The following FAM210A variants were observed in gnomAD, a reference collection of about 807,000 sequenced individuals.
FAM210A encodes mitochondrial inner membrane scaffold 1, also known as family with sequence similarity 210 member A.
A neutral mutation model predicts 25.3 loss-of-function variants in FAM210A; 13 were observed. The ratio of observed to expected loss-of-function variants is 0.51; its 90% CI spans 0.33 to 0.82. The LOEUF (loss-of-function observed/expected upper bound fraction) is 0.82, where lower values mean the gene tolerates loss of function less well. FAM210A is among the 40% of genes least tolerant of loss of function. The pLI, the probability that FAM210A is intolerant of heterozygous loss-of-function variation, is 0.02. For missense variants in FAM210A, 319 were observed against 323.2 expected (o/e 0.99, Z 0.10); for synonymous variants, 125 against 118.7 (o/e 1.05, Z -0.35).
At chr18:13,710,041 C>T (rs529377171) in intron 1 of FAM210A, among the ~76,000 whole-genome samples, 2 of 152,312 alleles carry the variant, frequency 1.3e-5, no homozygotes, top group Admixed American at 6.5e-5. Context: ...GACAGTTTAA[C>T]TTTGAAGCCA....
intron 1 of FAM210A, among the ~76,000 whole-genome samples, chr18:13,712,872 A>T (rs2043832533): frequency 6.6e-6 from 1 of 152,246 alleles, no homozygotes; most frequent in African/African-American, 2.4e-5. Context: ...AAAACATGAA[A>T]GCTGCAGTAT....
At chr18:13,688,854 G>A (rs185315068) in intron 1 of FAM210A, among the ~76,000 whole-genome samples, 33 of 152,380 alleles carry the variant, frequency 2.2e-4, no homozygotes, top group African/African-American at 7.2e-4. Context: ...TAAAGCAGCC[G>A]GTTCCTGCAC....
chr18:13,713,948 C>A (rs937136686), intron 1 of FAM210A, among the ~76,000 whole-genome samples: 2 of 152,188 alleles, frequency 1.3e-5, no homozygotes, highest in South Asian at 4.1e-4. Context: ...AAATTTAACT[C>A]TTAGTTTTCT....
intron 3 of FAM210A, among the ~76,000 whole-genome samples, chr18:13,668,780 G>A (rs899867659): frequency 6.6e-6 from 1 of 152,178 alleles, no homozygotes; most frequent in Non-Finnish European, 1.5e-5. Flanking sequence ...TAAGACCACA[G>A]TAAGTATTTG....
intron 2 of FAM210A, among the ~76,000 whole-genome samples, chr18:13,679,159 G>A (rs1471912302): frequency 6.6e-6 from 1 of 152,224 alleles, no homozygotes; most frequent in Non-Finnish European, 1.5e-5. Flanking sequence ...TGCCTAGAAA[G>A]GCAGTAATGC....
chr18:13,705,050 G>A lies in FAM210A; in HGVS notation c.-29+21279C>T, dbSNP rs1050642377. ...CTTAGAATCATATCATTTAATCTGG[G>A]TAAGAATTCCTGGAACTTTAATAAA... is the stretch of plus-strand genomic sequence containing the variant. On this transcript the variant is annotated intron_variant, in intron 1 of 3. Coordinates refer to ENST00000651643, the MANE Select transcript of FAM210A (RefSeq NM_152352.4). 3.0e-4 allele frequency among the ~76,000 whole-genome samples: 45 copies of A among 152,110 alleles called. 1 individual carries two copies. The highest frequency in any genetic ancestry group is 2.9e-5 in the Non-Finnish European group (2 of 68,010).
intron 1 of FAM210A, among the ~76,000 whole-genome samples, chr18:13,718,212 A>G (rs1253967307): frequency 1.3e-5 from 2 of 152,228 alleles, no homozygotes; most frequent in African/African-American, 4.8e-5. Flanking sequence ...GTAATTTGTT[A>G]CACAGCAACA....
In FAM210A at chr18:13,705,250, T is replaced by C. The variant is rs185427828; in HGVS notation, c.-29+21079A>G. 2.0e-5 allele frequency among the ~76,000 whole-genome samples: 3 copies of C among 152,302 alleles called. No individual in the cohort carries two copies. The East Asian group carries it at 5.8e-4, about 29-fold the overall frequency. The stretch of plus-strand genomic sequence containing the variant: ...ATTGCCTATGATAACCCATCAGTTA[T>C]CAGTGCTATGTACCTAATTTGGAAA... On this transcript the variant is annotated intron_variant, in intron 1 of 3. Transcript: ENST00000651643.
At position 13,664,722 on chromosome 18, in the gene FAM210A, A is replaced by T. The variant is rs190562609; in HGVS notation, c.*1758T>A. 1 of 152,342 alleles carries T rather than the reference A, an allele frequency of 6.6e-6. No individual in the cohort carries two copies. Among genetic ancestry groups the T allele is most frequent in the African/African-American group, 2.4e-5 (1 of 41,580 alleles). The allele number at this position is 152,342 out of a possible 1,614,324, so 9.4% of individuals were successfully genotyped here. ...ATATTCATTTAAAAAGCATTCTAAT[A>T]TAGTAATTAGACTCATCAAATACAA... On this transcript the variant is annotated 3_prime_UTR_variant, in exon 4 of 4. Coordinates refer to ENST00000651643, the MANE Select transcript of FAM210A (RefSeq NM_152352.4).
Position 13,698,339 on chromosome 18 carries a change from G to C in FAM210A, c.-28-16234C>G, listed in dbSNP as rs532150435. 5.2e-5 allele frequency among the ~76,000 whole-genome samples: 6 copies of C among 116,064 alleles called. No individual in the cohort carries two copies. In the East Asian group the frequency reaches 1.6e-3, roughly 31 times the overall value. The allele number at this position is 116,064 out of a possible 152,430, so 76.1% of individuals were successfully genotyped here. On this transcript the variant is annotated intron_variant, in intron 1 of 3. Transcript: ENST00000651643. ...TGCACTCCAGCCTGGGTGACAGAGT[G>C]AGACTCCATCTCAAAAAAAAAAAAA...
intron 1 of FAM210A, among the ~76,000 whole-genome samples, chr18:13,720,029 T>C (rs1358138166): frequency 6.6e-6 from 1 of 152,238 alleles, no homozygotes; most frequent in Admixed American, 6.5e-5. Flanking sequence ...TCTTAACTGC[T>C]GAAATATTCT....
chr18:13,719,183 T>C (rs1356525387), intron 1 of FAM210A, among the ~76,000 whole-genome samples: 2 of 152,150 alleles, frequency 1.3e-5, no homozygotes, highest in African/African-American at 4.8e-5. Context: ...TCACTGTTTA[T>C]CTAATTCCTC....
At chr18:13,725,264 T>C (rs1287229690) in intron 1 of FAM210A, among the ~76,000 whole-genome samples, 1 of 152,198 alleles carries the variant, frequency 6.6e-6, no homozygotes, top group Non-Finnish European at 1.5e-5. Context: ...ATTCATGTAA[T>C]GAGATTAATT....
At chr18:13,725,677 T>C (rs2043936607) in intron 1 of FAM210A, among the ~76,000 whole-genome samples, 1 of 152,204 alleles carries the variant, frequency 6.6e-6, no homozygotes, top group Non-Finnish European at 1.5e-5. Context: ...GTTTTGACCC[T>C]GATCTCAGGT....
At chr18:13,684,517 A>AT (rs1204656752) in intron 1 of FAM210A, among the ~76,000 whole-genome samples, 1 of 152,240 alleles carries the variant, frequency 6.6e-6, no homozygotes, top group African/African-American at 2.4e-5. Context: ...AAAAGAAGAC[A>AT]TAACAATCCT....
intron 1 of FAM210A, among the ~76,000 whole-genome samples, chr18:13,719,570 G>T (rs2093457085): frequency 6.6e-6 from 1 of 152,040 alleles, no homozygotes; most frequent in African/African-American, 2.4e-5. Context: ...GCCCACTGCT[G>T]CACATGCTTA....
chr18:13,693,856 A>G (rs1393161418), intron 1 of FAM210A, among the ~76,000 whole-genome samples: 5 of 152,236 alleles, frequency 3.3e-5, no homozygotes, highest in African/African-American at 1.2e-4. Context: ...ACTCCTATTC[A>G]GCATAGTGTT....
intron 3 of FAM210A, among the ~76,000 whole-genome samples, chr18:13,668,977 CAA>C (rs2043422375): frequency 6.6e-6 from 1 of 152,182 alleles, no homozygotes; most frequent in South Asian, 2.1e-4. Flanking sequence ...CTGCTTCTCT[CAA>C]AGTCTTACTC....
chr18:13,696,083 G>A (rs1158663653), intron 1 of FAM210A, among the ~76,000 whole-genome samples: 4 of 152,036 alleles, frequency 2.6e-5, no homozygotes, highest in Admixed American at 2.6e-4. Context: ...AGAAATCAAA[G>A]GTCTAAATAA....
Sources: gnomAD v4.1 joint callset for allele counts (sites outside exome capture counted in the v4.1 genomes callset) on GRCh38, gnomAD v4.1.1 for gene constraint, MANE v1.5 for transcripts, NCBI Gene and HGNC (gene_info 2026-07-23, HGNC 2026-07-21) for gene names.